The following BMPER variants were observed in gnomAD, a reference collection of about 807,000 sequenced individuals.
BMPER encodes BMP-binding endothelial regulator protein.
BMPER carries 45 observed loss-of-function variants against 87.3 expected under a neutral mutation model. The ratio of observed to expected loss-of-function variants is 0.52; its 90% confidence interval spans 0.41 to 0.66. BMPER has a LOEUF of 0.66. Ranked by LOEUF, BMPER falls within the 30% of genes least tolerant of loss-of-function variation. The pLI, the probability that BMPER is intolerant of heterozygous loss-of-function variation, is 0.00. For synonymous variants in BMPER, 326 were observed against 316.2 expected (o/e 1.03, Z -0.33); for missense variants, 784 against 867.5 (o/e 0.90, Z 1.21).
At chr7:33,932,122 C>T (rs985201173) in intron 2 of BMPER, among the ~76,000 whole-genome samples, 3 of 152,180 alleles carry the variant, frequency 2.0e-5, no homozygotes, top group Admixed American at 6.5e-5. Context: ...AACTTTCCCT[C>T]TCAGAGTCGC....
intron 13 of BMPER, among the ~76,000 whole-genome samples, chr7:34,122,879 G>A (rs1790297702): frequency 6.6e-6 from 1 of 152,108 alleles, no homozygotes; most frequent in African/African-American, 2.4e-5. Context: ...GTTTGCAAAG[G>A]TCAGGGGGAA....
At chr7:34,008,673 T>G (rs1030584838) in intron 6 of BMPER, among the ~76,000 whole-genome samples, 1 of 152,004 alleles carries the variant, frequency 6.6e-6, no homozygotes, top group Non-Finnish European at 1.5e-5. Flanking sequence ...CCCTCAAGAA[T>G]GACATTCAAT....
In BMPER at chr7:33,966,513, C is replaced by T. The variant is rs1202936902; in HGVS notation, c.354C>T (p.Ser118=). The change falls in exon 4 of 15, where the codon TCC becomes TCT. Residue 118 remains serine, a synonymous_variant. Coordinates refer to ENST00000649409, the MANE Select transcript of BMPER (RefSeq NM_001365308.1). ...ATGAAGGAAATACCTATAACAGCTCCTTCAAATGGCAGAGCCCGGCTGAGC... is the reference window on the plus strand; with the variant it reads ...ATGAAGGAAATACCTATAACAGCTCTTTCAAATGGCAGAGCCCGGCTGAGC... The part of the protein sequence containing the change: ...CTYEGNTYNS[S]FKWQSPAEPC... 6.2e-7 allele frequency: 1 copy of T among 1,613,808 alleles called. No individual in the cohort carries two copies. Among genetic ancestry groups the T allele is most frequent in the Non-Finnish European group, 8.5e-7 (1 of 1,179,740 alleles).
intron 13 of BMPER, among the ~76,000 whole-genome samples, chr7:34,094,426 G>A (rs1194824076): frequency 5.3e-5 from 8 of 152,202 alleles, no homozygotes; most frequent in African/African-American, 1.9e-4. Flanking sequence ...AGACTGTGTG[G>A]GGAGCTCTCC....
chr7:34,052,443 C>G (rs1788171064), intron 8 of BMPER, among the ~76,000 whole-genome samples: 1 of 152,180 alleles, frequency 6.6e-6, no homozygotes, highest in African/African-American at 2.4e-5. Context: ...TGAAGCTTTG[C>G]TCATTTTTCT....
intron 13 of BMPER, among the ~76,000 whole-genome samples, chr7:34,134,023 A>T (rs1449608085): frequency 6.6e-6 from 1 of 152,198 alleles, no homozygotes; most frequent in Non-Finnish European, 1.5e-5. Context: ...CGTGAAAAAG[A>T]TAAAAAAGAT....
rs147515717 is a variant in BMPER at position 33,964,845 on chromosome 7, G to A, written c.320-1634G>A. 6.1e-4 allele frequency among the ~76,000 whole-genome samples: 93 copies of A among 152,002 alleles called. 1 individual carries two copies. In the South Asian group the frequency reaches 0.01, roughly 17 times the overall value. The stretch of plus-strand genomic sequence containing the variant: ...GATAATGAAAATATATAACATATTC[G>A]GAAACTCCACTGGCAGACTTGGCAG... On this transcript the variant is annotated intron_variant, in intron 3 of 14. Coordinates refer to ENST00000649409, the MANE Select transcript of BMPER (RefSeq NM_001365308.1).
chr7:33,913,449 G>A (rs1335537954), intron 2 of BMPER, among the ~76,000 whole-genome samples: 1 of 128,110 alleles, frequency 7.8e-6, no homozygotes, highest in Non-Finnish European at 1.8e-5. Context: ...TATACAGAGT[G>A]TGAAGAGGCT....
chr7:34,135,326 C>T (rs1790693472), intron 13 of BMPER, among the ~76,000 whole-genome samples: 1 of 152,114 alleles, frequency 6.6e-6, no homozygotes, highest in Non-Finnish European at 1.5e-5. Flanking sequence ...GATGAAAATA[C>T]AAGGCTGAGC....
intron 6 of BMPER, among the ~76,000 whole-genome samples, chr7:33,981,834 T>C (rs1456686568): frequency 6.6e-6 from 1 of 152,196 alleles, no homozygotes; most frequent in African/African-American, 2.4e-5. Context: ...GAGCTTATGA[T>C]AAATTGTTTG....
rs1791226863 is a variant in BMPER, at chr7:34,153,177, A to G, written c.1962A>G (p.Pro654=). 2 of 1,613,936 alleles carry G rather than the reference A, an allele frequency of 1.2e-6. No individual in the cohort carries two copies. The highest frequency in any genetic ancestry group is 1.7e-5 in the Admixed American group (1 of 59,996). Residue 654 remains proline, a synonymous_variant, in exon 15 of 15, where the codon CCA becomes CCG. Coordinates refer to ENST00000649409, the MANE Select transcript of BMPER (RefSeq NM_001365308.1). ...GTGACAACTGGAATGAAATTGGTCC[A>G]TGCAACAAGCCGTGCGTTGCTGGGT... The part of the protein sequence containing the change: ...KTCDNWNEIG[P]CNKPCVAGCH...
intron 13 of BMPER, among the ~76,000 whole-genome samples, chr7:34,092,591 G>T (rs940240080): frequency 1.3e-5 from 2 of 152,156 alleles, no homozygotes; most frequent in Non-Finnish European, 2.9e-5. Context: ...TGTCAGGCTG[G>T]ACTCAAAGCT....
At chr7:34,114,776 C>G (rs2127987355) in intron 13 of BMPER, among the ~76,000 whole-genome samples, 1 of 152,256 alleles carries the variant, frequency 6.6e-6, no homozygotes, top group East Asian at 1.9e-4. Flanking sequence ...GAGGGCAGTG[C>G]AAAACTCCAG....
chr7:34,125,451 G>C (rs896824007), intron 13 of BMPER, among the ~76,000 whole-genome samples: 3 of 151,994 alleles, frequency 2.0e-5, no homozygotes, highest in African/African-American at 7.3e-5. Flanking sequence ...TTGATCATAT[G>C]GTAATAAAAT....
At chr7:33,924,345 C>T (rs926430550) in intron 2 of BMPER, among the ~76,000 whole-genome samples, 1 of 152,250 alleles carries the variant, frequency 6.6e-6, no homozygotes, top group African/African-American at 2.4e-5. Flanking sequence ...ATTTGACTTA[C>T]TTGAGCAAAA....
intron 13 of BMPER, among the ~76,000 whole-genome samples, chr7:34,112,417 A>G (rs1003159665): frequency 8.6e-5 from 12 of 139,294 alleles, no homozygotes; most frequent in African/African-American, 2.6e-5. Flanking sequence ...AACGGCGTGA[A>G]CCTCGGAGGC....
At chr7:33,968,250 G>T (rs1049138300) in intron 4 of BMPER, among the ~76,000 whole-genome samples, 1 of 152,130 alleles carries the variant, frequency 6.6e-6, no homozygotes, top group Non-Finnish European at 1.5e-5. Flanking sequence ...CTGCTAGCTA[G>T]GATAATATTT....
intron 3 of BMPER, among the ~76,000 whole-genome samples, chr7:33,955,578 AACATAGGC>A (rs1426131183): frequency 6.6e-6 from 1 of 152,212 alleles, no homozygotes; most frequent in Non-Finnish European, 1.5e-5. Context: ...GTACTCAGCA[AACATAGGC>A]CGGCTTCATC....
intron 2 of BMPER, among the ~76,000 whole-genome samples, chr7:33,914,519 C>T (rs1288960293): frequency 2.6e-5 from 4 of 152,140 alleles, no homozygotes; most frequent in Non-Finnish European, 5.9e-5. Flanking sequence ...AATCAGTTTA[C>T]ATGTAATGTG....
Sources: gnomAD v4.1 joint callset for allele counts (sites outside exome capture counted in the v4.1 genomes callset) on GRCh38, gnomAD v4.1.1 for gene constraint, MANE v1.5 for transcripts, NCBI Gene and HGNC (gene_info 2026-07-23, HGNC 2026-07-21) for gene names.